The following KHDRBS2 variants were observed in gnomAD, a reference collection of about 807,000 sequenced individuals.
KHDRBS2 encodes KH domain-containing, RNA-binding, signal transduction-associated protein 2.
KHDRBS2 carries 26 observed loss-of-function variants against 44.3 expected under a neutral mutation model. The ratio of observed to expected loss-of-function variants is 0.59; its 90% confidence interval spans 0.43 to 0.81. The LOEUF is 0.81. Among genes scored for constraint, KHDRBS2 ranks in the 40% least tolerant of loss-of-function variants. The probability of loss-of-function intolerance (pLI) is 0.00; values close to 1 mark genes in which losing one functional copy is unlikely to be tolerated. For missense variants in KHDRBS2, 476 were observed against 433.1 expected (o/e 1.10, Z -0.88); for synonymous variants, 194 against 151.1 (o/e 1.28, Z -2.08).
the KHDRBS2 span, among the ~76,000 whole-genome samples, chr6:61,610,054 T>C: frequency 6.6e-6 from 1 of 152,014 alleles, no homozygotes; most frequent in Non-Finnish European, 1.5e-5. Flanking sequence ...TTGGTGCCTG[T>C]AGTCCCAGCT....
chr6:62,230,558 T>C (rs1832736766), intron 1 of KHDRBS2, among the ~76,000 whole-genome samples: 1 of 152,228 alleles, frequency 6.6e-6, no homozygotes, highest in Non-Finnish European at 1.5e-5. Flanking sequence ...GATCAATTTC[T>C]GGCTTTGCTT....
chr6:61,826,922 A>G (rs527366893), intron 6 of KHDRBS2, among the ~76,000 whole-genome samples: 2 of 152,204 alleles, frequency 1.3e-5, no homozygotes, highest in Non-Finnish European at 2.9e-5. Flanking sequence ...AGCTAGCTAG[A>G]AGATGCCAAG....
chr6:62,010,639 C>T (rs1780128558), intron 3 of KHDRBS2, among the ~76,000 whole-genome samples: 1 of 152,068 alleles, frequency 6.6e-6, no homozygotes, highest in African/African-American at 2.4e-5. Context: ...CTTTCCCAGG[C>T]TGTTCTTGTG....
intron 1 of KHDRBS2, among the ~76,000 whole-genome samples, chr6:62,238,632 C>A (rs1311287051): frequency 1.3e-5 from 2 of 151,648 alleles, no homozygotes; most frequent in African/African-American, 4.9e-5. Flanking sequence ...ATAATTCAGG[C>A]AGTCAGCATT....
intron 2 of KHDRBS2, among the ~76,000 whole-genome samples, chr6:62,134,745 A>G (rs1020628222): frequency 2.0e-5 from 3 of 152,170 alleles, no homozygotes; most frequent in Non-Finnish European, 2.9e-5. Flanking sequence ...TGGATGTGAG[A>G]CATGTAGTCA....
chr6:62,157,403 T>A (rs928293567), intron 2 of KHDRBS2, among the ~76,000 whole-genome samples: 1 of 152,188 alleles, frequency 6.6e-6, no homozygotes, highest in Non-Finnish European at 1.5e-5. Flanking sequence ...TGTTTCATAG[T>A]TCTGGAACTA....
chr6:61,800,358 T>C (rs1047882118), intron 6 of KHDRBS2, among the ~76,000 whole-genome samples: 30 of 152,140 alleles, frequency 2.0e-4, no homozygotes, highest in Non-Finnish European at 4.4e-5. Flanking sequence ...TCATCATTAA[T>C]ATGAGGAGCT....
At chr6:61,958,059 C>G (rs1767809990) in intron 4 of KHDRBS2, among the ~76,000 whole-genome samples, 1 of 152,080 alleles carries the variant, frequency 6.6e-6, no homozygotes, top group Non-Finnish European at 1.5e-5. Context: ...CTTTTATCCC[C>G]TATTCTCAAT....
intron 1 of KHDRBS2, among the ~76,000 whole-genome samples, chr6:62,270,792 T>C (rs181401187): frequency 1.3e-5 from 2 of 152,220 alleles, no homozygotes; most frequent in East Asian, 3.9e-4. Flanking sequence ...TATACTTGCA[T>C]AGGATTCACG....
At chr6:61,728,559 A>T (rs1302665351) in intron 7 of KHDRBS2, among the ~76,000 whole-genome samples, 1 of 152,214 alleles carries the variant, frequency 6.6e-6, no homozygotes, top group Non-Finnish European at 1.5e-5. Context: ...GAATGATTAA[A>T]TTGTGATCAA....
intron 2 of KHDRBS2, among the ~76,000 whole-genome samples, chr6:62,085,132 T>C (rs1798155600): frequency 6.6e-6 from 1 of 152,162 alleles, no homozygotes; most frequent in Non-Finnish European, 1.5e-5. Context: ...ATTCTGATAT[T>C]AAGAACTGAT....
At chr6:62,146,134 T>G (rs1238224964) in intron 2 of KHDRBS2, among the ~76,000 whole-genome samples, 4 of 151,790 alleles carry the variant, frequency 2.6e-5, no homozygotes, top group Non-Finnish European at 5.9e-5. Context: ...TTTACATACA[T>G]CTCCCCTTGA....
At chr6:62,155,393 T>C (rs2150108306) in intron 2 of KHDRBS2, among the ~76,000 whole-genome samples, 1 of 152,324 alleles carries the variant, frequency 6.6e-6, no homozygotes, top group Non-Finnish European at 1.5e-5. Context: ...TTACTGAATA[T>C]ATAAATCTGG....
At chr6:61,706,766 T>C (rs540847768) in intron 7 of KHDRBS2, among the ~76,000 whole-genome samples, 27 of 151,910 alleles carry the variant, frequency 1.8e-4, no homozygotes, top group African/African-American at 6.0e-4. Flanking sequence ...CAGAATAATA[T>C]TGTGAATGTT....
intron 4 of KHDRBS2, among the ~76,000 whole-genome samples, chr6:61,921,412 T>G (rs1473161803): frequency 6.6e-6 from 1 of 151,996 alleles, no homozygotes; most frequent in African/African-American, 2.4e-5. Context: ...TTTATTGATA[T>G]TTTTTCAATA....
chr6:61,958,814 A>G (rs1212590630), intron 4 of KHDRBS2, among the ~76,000 whole-genome samples: 1 of 152,070 alleles, frequency 6.6e-6, no homozygotes, highest in Admixed American at 6.6e-5. Flanking sequence ...TTTGATCTAT[A>G]ACTCAATCTG....
chr6:61,808,279 T>G lies in KHDRBS2; in HGVS notation c.811-75515A>C, dbSNP rs1787498130. On this transcript the variant is annotated intron_variant, in intron 6 of 8. Coordinates refer to ENST00000281156, the MANE Select transcript of KHDRBS2 (RefSeq NM_152688.4). ...AATCACATTCAGTACCCAGTTCCTA[T>G]GTATGTCCACTAGAGATATGTAGAA... Among the ~76,000 whole-genome samples the G allele has an allele frequency of 2.0e-5, 3 of 152,118 alleles. 1 individual carries two copies. In the South Asian group the frequency reaches 6.2e-4, roughly 32 times the overall value.
chr6:61,794,460 G>A (rs550240844), intron 6 of KHDRBS2, among the ~76,000 whole-genome samples: 1 of 152,256 alleles, frequency 6.6e-6, no homozygotes, highest in South Asian at 2.1e-4. Context: ...TGAAGCATTT[G>A]TACGTTTTAG....
chr6:61,595,510 A>G, the KHDRBS2 span, among the ~76,000 whole-genome samples: 3 of 152,210 alleles, frequency 2.0e-5, no homozygotes, highest in South Asian at 6.2e-4. Context: ...TGCATTTATA[A>G]CTTTCCTCAA....
Sources: allele counts gnomAD v4.1 joint callset (sites outside exome capture counted in the v4.1 genomes callset), GRCh38; gene constraint gnomAD v4.1.1; transcripts MANE v1.5; gene names NCBI Gene and HGNC (gene_info 2026-07-23, HGNC 2026-07-21).